Variants in RNF125 observed in about 807,000 individuals in gnomAD.
The protein encoded by RNF125 is ring finger protein 125.
A neutral mutation model predicts 26.0 loss-of-function variants in RNF125; 21 were observed. The observed-to-expected ratio is 0.81, with a 90% CI of 0.57 to 1.16. RNF125 has a LOEUF of 1.16. Ranked by LOEUF, RNF125 falls within the 50% of genes most tolerant of loss-of-function variation. The pLI is 0.00. For synonymous variants in RNF125, 95 were observed against 109.2 expected, an observed-to-expected ratio of 0.87 and a Z score of 0.81; for missense variants, 270 against 299.4, an observed-to-expected ratio of 0.90 and a Z score of 0.72.
chr18:32,049,900 C>T (rs548613899), intron 4 of RNF125, among the ~76,000 whole-genome samples: 3 of 152,134 alleles, frequency 2.0e-5, no homozygotes, highest in South Asian at 2.1e-4. Flanking sequence ...CTGGGGTTCA[C>T]GTGCTTAGGG....
intron 4 of RNF125, among the ~76,000 whole-genome samples, chr18:32,064,029 C>G (rs1416344293): frequency 6.7e-6 from 1 of 149,072 alleles, no homozygotes; most frequent in Non-Finnish European, 1.5e-5. Flanking sequence ...GGGTCTCACT[C>G]TGTCATCCAG....
At chr18:32,044,774 A>G (rs1250070742) in intron 3 of RNF125, among the ~76,000 whole-genome samples, 2 of 152,152 alleles carry the variant, frequency 1.3e-5, no homozygotes, top group East Asian at 1.9e-4. Flanking sequence ...CAACTTCACT[A>G]GCATATAACT....
the RNF125 span, among the ~76,000 whole-genome samples, chr18:32,080,847 G>T: frequency 0.025 from 3,807 of 151,948 alleles, 152 homozygotes; most frequent in African/African-American, 0.087. Flanking sequence ...CTGCACTCTA[G>T]CCTGGGGGAC....
intron 2 of RNF125, 35 bp downstream of exon 2, chr18:32,037,304 C>T: frequency 7.2e-7 from 1 of 1,390,660 alleles, no homozygotes; most frequent in African/African-American, 1.5e-5. Flanking sequence ...TCATGGTTAC[C>T]AGCTTAAGTC....
chr18:32,056,936 A>G (rs1191943101), intron 4 of RNF125, among the ~76,000 whole-genome samples: 1 of 152,198 alleles, frequency 6.6e-6, no homozygotes, highest in East Asian at 1.9e-4. Flanking sequence ...TGGGCTGTTT[A>G]TAGTATTGAG....
At chr18:32,037,983 GCTTTGTC>G (rs1472547563) in intron 2 of RNF125, among the ~76,000 whole-genome samples, 1 of 151,648 alleles carries the variant, frequency 6.6e-6, no homozygotes, top group Non-Finnish European at 1.5e-5. Context: ...TGTTGTGGGA[GCTTTGTC>G]CTTTTGCTCT....
intron 2 of RNF125, among the ~76,000 whole-genome samples, chr18:32,039,332 G>C (rs1313659155): frequency 6.6e-6 from 1 of 151,912 alleles, no homozygotes; most frequent in African/African-American, 2.4e-5. Flanking sequence ...GGAGATCAAG[G>C]CTGCAGTAAA....
At chr18:32,034,820 C>T (rs571439377) in intron 1 of RNF125, among the ~76,000 whole-genome samples, 1 of 145,914 alleles carries the variant, frequency 6.9e-6, no homozygotes, top group African/African-American at 2.5e-5. Flanking sequence ...GAGGCTGAGG[C>T]AGGAGAATTG....
chr18:32,047,770 CATAAAT>C (rs1568201574), intron 4 of RNF125, among the ~76,000 whole-genome samples: 1 of 151,850 alleles, frequency 6.6e-6, no homozygotes, highest in African/African-American at 2.4e-5. Context: ...GAAATTAAAA[CATAAAT>C]ATATTAGACA....
chr18:32,022,854 C>G (rs145562478), intron 1 of RNF125, among the ~76,000 whole-genome samples: 3,034 of 152,284 alleles, frequency 0.02, 53 homozygotes, highest in Non-Finnish European at 0.032. Context: ...CAAAAGGCAG[C>G]TTTTCAGGGT....
At chr18:32,046,961 C>T (rs1340948059) in intron 4 of RNF125, among the ~76,000 whole-genome samples, 1 of 152,158 alleles carries the variant, frequency 6.6e-6, no homozygotes, top group Non-Finnish European at 1.5e-5. Context: ...CTTGACCTCC[C>T]AGGTTCAAGC....
rs531751585 is a variant in RNF125, at chr18:32,050,865, C to CTTTTTTT, written c.504+5161_504+5167dup. 1.9e-3 allele frequency among the ~76,000 whole-genome samples: 86 copies of CTTTTTTT among 46,342 alleles called. 16 individuals carry two copies. Among genetic ancestry groups the CTTTTTTT allele is most frequent in the Non-Finnish European group, 2.2e-3 (57 of 25,616 alleles). The allele number at this position is 46,342 out of a possible 152,430, so 30.4% of individuals were successfully genotyped here. ...CCAGCTAGTCTCTCGGTCTAGAGTG[C>CTTTTTTT]TTTTTTTTTTTTTTTTTTTTTTTTT... On this transcript the variant is annotated intron_variant, in intron 4 of 5. Transcript: ENST00000217740.
chr18:32,034,689 G>A (rs2144457204), intron 1 of RNF125, among the ~76,000 whole-genome samples: 1 of 152,082 alleles, frequency 6.6e-6, no homozygotes, highest in East Asian at 1.9e-4. Flanking sequence ...GAGGCGGGCA[G>A]ATCACTTGAG....
chr18:32,039,701 T>C (rs1324723829), intron 2 of RNF125, among the ~76,000 whole-genome samples: 1 of 152,060 alleles, frequency 6.6e-6, no homozygotes, highest in African/African-American at 2.4e-5. Context: ...CTCAATTAAC[T>C]TGTGTGGAAA....
the RNF125 span, among the ~76,000 whole-genome samples, chr18:32,086,236 T>TA: frequency 1.3e-5 from 2 of 150,028 alleles, no homozygotes; most frequent in African/African-American, 4.9e-5. Flanking sequence ...TTTTTTTTTT[T>TA]AAGAGACAAG....
chr18:32,038,924 CCTGT>C (rs2039188738), intron 2 of RNF125, among the ~76,000 whole-genome samples: 1 of 151,754 alleles, frequency 6.6e-6, no homozygotes, highest in Non-Finnish European at 1.5e-5. Flanking sequence ...CAACACCACG[CCTGT>C]CTAACTTTTG....
chr18:32,079,819 C>G, the RNF125 span, among the ~76,000 whole-genome samples: 2,000 of 152,204 alleles, frequency 0.013, 124 homozygotes, highest in East Asian at 0.084. Flanking sequence ...ATAGGAGAAG[C>G]GGTATTATTT....
At chr18:32,054,033 C>A (rs73954988) in intron 4 of RNF125, among the ~76,000 whole-genome samples, 12,259 of 150,256 alleles carry the variant, frequency 0.082, 1,654 homozygotes, top group African/African-American at 0.28. Flanking sequence ...ATGCTCTCAC[C>A]TATGATCCTG....
intron 2 of RNF125, among the ~76,000 whole-genome samples, chr18:32,041,428 T>C (rs866393769): frequency 2.0e-5 from 3 of 152,116 alleles, no homozygotes; most frequent in Non-Finnish European, 2.9e-5. Flanking sequence ...TGTATCCATT[T>C]ATTCTTCTTA....
Sources: gnomAD v4.1 joint callset for allele counts (sites outside exome capture counted in the v4.1 genomes callset) on GRCh38, gnomAD v4.1.1 for gene constraint, MANE v1.5 for transcripts, NCBI Gene and HGNC (gene_info 2026-07-23, HGNC 2026-07-21) for gene names.